CCDC148: variants seen among roughly 807,000 people sequenced by gnomAD.
CCDC148 encodes coiled-coil domain-containing protein 148.
Under a neutral mutation model 85.7 loss-of-function variants are expected in CCDC148, and 89 were observed. The observed-to-expected ratio is 1.04, with a 90% CI of 0.87 to 1.24. The LOEUF (loss-of-function observed/expected upper bound fraction) is 1.24. CCDC148 is among the 50% of genes most tolerant of loss of function. CCDC148 has a pLI of 0.00. For synonymous variants in CCDC148, 230 were observed against 213.9 expected, an observed-to-expected ratio of 1.08 and a Z score of -0.66; for missense variants, 692 against 671.7, an observed-to-expected ratio of 1.03 and a Z score of -0.33.
intron 12 of CCDC148, among the ~76,000 whole-genome samples, chr2:158,177,758 T>C (rs941926467): frequency 2.0e-5 from 3 of 152,154 alleles, no homozygotes; most frequent in African/African-American, 7.2e-5. Context: ...AAGATGATGA[T>C]ATAATAGTCG....
chr2:158,431,886 A>G (rs937883221), intron 1 of CCDC148, among the ~76,000 whole-genome samples: 8 of 152,132 alleles, frequency 5.3e-5, no homozygotes, highest in South Asian at 2.1e-4. Context: ...TGCATGAGTC[A>G]AGATTGTGCC....
chr2:158,217,592 G>T (rs1048216907), intron 11 of CCDC148, among the ~76,000 whole-genome samples: 4 of 151,902 alleles, frequency 2.6e-5, no homozygotes, highest in African/African-American at 9.7e-5. Context: ...TTTTAGTAGA[G>T]ACAGGGTTTC....
At chr2:158,220,865 G>A in intron 10 of CCDC148, 152 bp from the exon 11 acceptor site, 2 of 574,592 alleles carry the variant, frequency 3.5e-6, no homozygotes, top group Non-Finnish European at 3.0e-6. Context: ...ATAATACATT[G>A]GCAACAGAAA....
In CCDC148 at chr2:158,183,936, C is replaced by A. The variant is rs1685029919; in HGVS notation, c.1371-4940G>T. Among the ~76,000 whole-genome samples the A allele has an allele frequency of 2.6e-5, 4 of 152,080 alleles. No homozygotes were observed. The South Asian group carries it at 8.3e-4, about 32-fold the overall frequency. ...CCCCTTCATTAACTACAGGTCACCC[C>A]AACAGGGAAGAATGTGCAGATCAAA... On this transcript the variant is annotated intron_variant, in intron 11 of 13. Coordinates refer to ENST00000283233, the MANE Select transcript of CCDC148 (RefSeq NM_138803.4).
intron 13 of CCDC148, among the ~76,000 whole-genome samples, chr2:158,173,540 T>A (rs972607779): frequency 1.3e-5 from 2 of 152,016 alleles, no homozygotes; most frequent in Non-Finnish European, 2.9e-5. Context: ...TTTACTACAA[T>A]TGTCTAGACA....
intron 1 of CCDC148, among the ~76,000 whole-genome samples, chr2:158,431,451 CAG>C (rs1687345481): frequency 6.8e-6 from 1 of 147,994 alleles, no homozygotes; most frequent in Non-Finnish European, 1.5e-5. Flanking sequence ...AAAAAAATGA[CAG>C]AACATCTGTA....
chr2:158,427,865 T>C lies in CCDC148; in HGVS notation c.25+28550A>G, dbSNP rs189906811. ...TAGCCTGGGTGGCAGGGTAAGACTT[T>C]ACTGAAAAAAAAGAAGGAAGTGGGG... On this transcript the variant is annotated intron_variant, in intron 1 of 13. Transcript: ENST00000283233. 1.7e-4 allele frequency among the ~76,000 whole-genome samples: 26 copies of C among 151,964 alleles called. 1 individual carries two copies. The highest frequency in any genetic ancestry group is 1.6e-3 in the Admixed American group (24 of 15,258).
At chr2:158,352,979 C>T (rs1683403464) in intron 2 of CCDC148, among the ~76,000 whole-genome samples, 1 of 149,880 alleles carries the variant, frequency 6.7e-6, no homozygotes, top group Admixed American at 6.6e-5. Flanking sequence ...CCAAACTAAG[C>T]TTCATAAGTG....
chr2:158,308,103 C>T (rs78759612), intron 9 of CCDC148, among the ~76,000 whole-genome samples: 8,571 of 152,170 alleles, frequency 0.056, 508 homozygotes, highest in African/African-American at 0.15. Context: ...ATCAAAACTT[C>T]AATATTAACA....
intron 1 of CCDC148, among the ~76,000 whole-genome samples, chr2:158,426,986 T>A (rs1484916863): frequency 6.6e-6 from 1 of 152,192 alleles, no homozygotes; most frequent in East Asian, 1.9e-4. Context: ...TCCTGTAAGT[T>A]CAAACGTATA....
chr2:158,256,983 A>C (rs1249763307), intron 9 of CCDC148, among the ~76,000 whole-genome samples: 3 of 151,802 alleles, frequency 2.0e-5, no homozygotes, highest in South Asian at 4.2e-4. Flanking sequence ...TCTGCCAGTC[A>C]GTAAGGGTTC....
chr2:158,304,321 C>A (rs10933466), intron 9 of CCDC148, among the ~76,000 whole-genome samples: 70,847 of 151,886 alleles, frequency 0.47, 17,027 homozygotes, highest in East Asian at 0.66. Context: ...GTAAGCTAGG[C>A]AGGAGGTTGA....
At chr2:158,354,959 C>A (rs954155357) in intron 2 of CCDC148, among the ~76,000 whole-genome samples, 3 of 152,078 alleles carry the variant, frequency 2.0e-5, no homozygotes, top group African/African-American at 7.3e-5. Flanking sequence ...AGCATATAAA[C>A]AGAGCCAAAG....
intron 1 of CCDC148, among the ~76,000 whole-genome samples, chr2:158,430,499 G>C (rs182148237): frequency 9.2e-5 from 14 of 152,292 alleles, no homozygotes; most frequent in Admixed American, 6.5e-4. Flanking sequence ...TCCGTAAATA[G>C]TGATGGGTAC....
intron 1 of CCDC148, among the ~76,000 whole-genome samples, chr2:158,447,012 T>C (rs928897412): frequency 5.3e-5 from 8 of 152,210 alleles, no homozygotes; most frequent in African/African-American, 1.9e-4. Flanking sequence ...TCAGGTGATA[T>C]TTAGATTATT....
At chr2:158,255,234 C>A (rs1187817806) in intron 9 of CCDC148, among the ~76,000 whole-genome samples, 1 of 151,284 alleles carries the variant, frequency 6.6e-6, no homozygotes, top group Non-Finnish European at 1.5e-5. Flanking sequence ...TGGTCAGGGA[C>A]CCGTAGAATT....
chr2:158,413,603 C>CTTTTT (rs4028060), intron 1 of CCDC148, among the ~76,000 whole-genome samples: 1 of 148,732 alleles, frequency 6.7e-6, no homozygotes, highest in Non-Finnish European at 1.5e-5. Context: ...TTTCTCTTGC[C>CTTTTT]TTTTTTTTTT....
chr2:158,261,536 T>A (rs2356081), intron 9 of CCDC148, among the ~76,000 whole-genome samples: 96,254 of 151,858 alleles, frequency 0.63, 31,227 homozygotes, highest in East Asian at 0.8. Context: ...AATTAAACTT[T>A]AGAGCTTCTA....
chr2:158,295,170 C>A (rs767051766), intron 9 of CCDC148, among the ~76,000 whole-genome samples: 2 of 152,002 alleles, frequency 1.3e-5, no homozygotes, highest in African/African-American at 2.4e-5. Flanking sequence ...CAAGACTAAA[C>A]CAGGAAGAAG....
Sources: gnomAD v4.1 joint callset for allele counts (sites outside exome capture counted in the v4.1 genomes callset) on GRCh38, gnomAD v4.1.1 for gene constraint, MANE v1.5 for transcripts, NCBI Gene and HGNC (gene_info 2026-07-23, HGNC 2026-07-21) for gene names.